Variants in GABBR2 observed in about 807,000 individuals in gnomAD.
GABBR2 encodes the protein G-protein coupled receptor 51.
A neutral mutation model predicts 105.6 loss-of-function variants in GABBR2; 23 were observed. That is an observed-to-expected ratio of 0.22 (90% confidence interval 0.16 to 0.31). The LOEUF (loss-of-function observed/expected upper bound fraction) is 0.31. GABBR2 is among the 10% of genes least tolerant of loss of function. The probability of loss-of-function intolerance (pLI) is 1.00; values close to 1 mark genes in which losing one functional copy is unlikely to be tolerated. For synonymous variants in GABBR2, 478 were observed against 499.7 expected, an observed-to-expected ratio of 0.96 and a Z score of 0.58; for missense variants, 734 against 1,245.5, an observed-to-expected ratio of 0.59 and a Z score of 6.18.
chr9:98,423,875 T>C (rs1832827634), intron 7 of GABBR2, among the ~76,000 whole-genome samples: 2 of 152,230 alleles, frequency 1.3e-5, no homozygotes, highest in Admixed American at 6.5e-5. Flanking sequence ...CCTTTCCCCA[T>C]TGCTTGCTTT....
chr9:98,378,498 C>T (rs1013378121), intron 11 of GABBR2, among the ~76,000 whole-genome samples: 1 of 152,242 alleles, frequency 6.6e-6, no homozygotes, highest in African/African-American at 2.4e-5. Flanking sequence ...ATTTATCTTA[C>T]ACAATCAGTC....
chr9:98,619,718 T>C (rs533453932), intron 1 of GABBR2, among the ~76,000 whole-genome samples: 22 of 152,344 alleles, frequency 1.4e-4, no homozygotes, highest in African/African-American at 5.3e-4. Context: ...TTGTTTTTCT[T>C]GCTTCTGATT....
At chr9:98,439,029 C>T (rs1477318244) in intron 7 of GABBR2, among the ~76,000 whole-genome samples, 2 of 152,022 alleles carry the variant, frequency 1.3e-5, no homozygotes, top group Admixed American at 6.6e-5. Flanking sequence ...CCTTGTCATA[C>T]GTGTGCCACC....
At chr9:98,570,725 A>C (rs971617208) in intron 2 of GABBR2, among the ~76,000 whole-genome samples, 2 of 152,202 alleles carry the variant, frequency 1.3e-5, no homozygotes, top group Admixed American at 1.3e-4. Flanking sequence ...ACTGAAAAAA[A>C]CTGCAAAGGA....
chr9:98,542,412 TA>T (rs1828323537), intron 2 of GABBR2, among the ~76,000 whole-genome samples: 1 of 152,204 alleles, frequency 6.6e-6, no homozygotes, highest in African/African-American at 2.4e-5. Flanking sequence ...ACGGTATCCT[TA>T]AAAACTCTTC....
At chr9:98,599,971 G>A (rs1564126835) in intron 1 of GABBR2, among the ~76,000 whole-genome samples, 1 of 152,174 alleles carries the variant, frequency 6.6e-6, no homozygotes, top group Non-Finnish European at 1.5e-5. Flanking sequence ...GATGCAGAGA[G>A]TGGGAATGCG....
chr9:98,593,674 GA>G (rs1829181298), intron 1 of GABBR2, among the ~76,000 whole-genome samples: 1 of 152,156 alleles, frequency 6.6e-6, no homozygotes, highest in Non-Finnish European at 1.5e-5. Flanking sequence ...CCATGTCCCC[GA>G]ATCTGACAGT....
chr9:98,516,595 G>A (rs1160484127), intron 3 of GABBR2, among the ~76,000 whole-genome samples: 2 of 152,152 alleles, frequency 1.3e-5, no homozygotes, highest in Non-Finnish European at 2.9e-5. Flanking sequence ...ACCAGTTGCA[G>A]ACCTTTCAGG....
intron 3 of GABBR2, among the ~76,000 whole-genome samples, chr9:98,513,434 C>A (rs200431018): frequency 0.11 from 17,171 of 151,852 alleles, 1,566 homozygotes; most frequent in East Asian, 0.49. Context: ...AGAACTTCTG[C>A]ACAGCAAAAG....
intron 1 of GABBR2, among the ~76,000 whole-genome samples, chr9:98,593,935 G>A (rs368652642): frequency 6.6e-6 from 1 of 152,180 alleles, no homozygotes; most frequent in African/African-American, 2.4e-5. Context: ...CTGGGCTACT[G>A]TCACACATCA....
rs28630743 is a variant in GABBR2, at chr9:98,527,109, A to G, written c.630+14764T>C. 7.8e-4 allele frequency among the ~76,000 whole-genome samples: 111 copies of G among 142,560 alleles called. No individual in the cohort carries two copies. In the Middle Eastern group the frequency reaches 0.018, roughly 23 times the overall value. 93.5% of individuals were successfully genotyped at this position (142,560 alleles called of 152,430 possible). A position where few individuals can be genotyped will look rare whatever the true frequency, so the allele number is the denominator to read the frequency against. ...AATATATAATAATAATATATATATT[A>G]TATATATATATGTATATATAAAATA... On this transcript the variant is annotated intron_variant, in intron 3 of 18. Coordinates refer to ENST00000259455, the MANE Select transcript of GABBR2 (RefSeq NM_005458.8).
At chr9:98,509,672 G>A (rs1236435932) in intron 3 of GABBR2, among the ~76,000 whole-genome samples, 2 of 152,178 alleles carry the variant, frequency 1.3e-5, no homozygotes, top group Non-Finnish European at 2.9e-5. Flanking sequence ...GGGTATCAGG[G>A]ATGGAAGATG....
intron 1 of GABBR2, among the ~76,000 whole-genome samples, chr9:98,594,815 A>G (rs1322977756): frequency 1.3e-5 from 2 of 152,240 alleles, no homozygotes; most frequent in Non-Finnish European, 2.9e-5. Flanking sequence ...AGCCCTAACC[A>G]TGGCACTCGA....
intron 1 of GABBR2, among the ~76,000 whole-genome samples, chr9:98,687,311 C>T (rs1830631728): frequency 6.6e-6 from 1 of 151,850 alleles, no homozygotes; most frequent in South Asian, 2.1e-4. Flanking sequence ...GCTGAACCAA[C>T]CGGACAGGAT....
chr9:98,432,677 G>A (rs1001738692), intron 7 of GABBR2, among the ~76,000 whole-genome samples: 1 of 152,162 alleles, frequency 6.6e-6, no homozygotes, highest in African/African-American at 2.4e-5. Flanking sequence ...AGTAAATGTT[G>A]GTTCTCATCA....
intron 16 of GABBR2, 97 bp downstream of exon 16, chr9:98,303,144 T>A: frequency 1.1e-6 from 1 of 936,096 alleles, no homozygotes; most frequent in South Asian, 1.7e-5. Context: ...ACGGTCATGC[T>A]GCAGGGATGG....
At chr9:98,586,310 T>C (rs111689710) in intron 1 of GABBR2, among the ~76,000 whole-genome samples, 2,167 of 146,846 alleles carry the variant, frequency 0.015, 39 homozygotes, top group African/African-American at 0.049. Context: ...TTTGTTTGTT[T>C]GTTTTTTTAG....
chr9:98,340,607 G>T (rs981701511), intron 13 of GABBR2, among the ~76,000 whole-genome samples: 3 of 152,160 alleles, frequency 2.0e-5, no homozygotes, highest in Admixed American at 1.3e-4. Flanking sequence ...CCTACCAGCA[G>T]CAAGCTGGTA....
At position 98,306,606 on chromosome 9, in the gene GABBR2, C is replaced by A; in HGVS notation, c.2005-261G>T. The A allele has an allele frequency of 1.9e-6, 1 of 519,582 alleles. No individual in the cohort carries two copies. The highest frequency in any genetic ancestry group is 3.5e-6 in the Non-Finnish European group (1 of 285,974). The allele number at this position is 519,582 out of a possible 1,614,324, so 32.2% of individuals were successfully genotyped here. On this transcript the variant is annotated intron_variant, in intron 14 of 18. Transcript: ENST00000259455. The surrounding 1 kb of genome is among the most constrained non-coding windows in gnomAD (Gnocchi z 5.4). ...TGCACCCCTATGACTGGTTCATGCA[C>A]AGACCTGCCCAAGGCTACAGTGGAA... is the stretch of plus-strand genomic sequence containing the variant.
Sources: allele counts gnomAD v4.1 joint callset (sites outside exome capture counted in the v4.1 genomes callset), GRCh38; gene constraint gnomAD v4.1.1; non-coding constraint Gnocchi (gnomAD v3.1); transcripts MANE v1.5; gene names NCBI Gene and HGNC (gene_info 2026-07-23, HGNC 2026-07-21).